Variants in ALDH5A1 observed in about 807,000 individuals in gnomAD.
The protein encoded by ALDH5A1 is aldehyde dehydrogenase 5 family member A1.
In ALDH5A1, 33 loss-of-function variants were observed where a neutral mutation model predicts 54.7. The ratio of observed to expected loss-of-function variants is 0.60; its 90% CI spans 0.46 to 0.81. The LOEUF (loss-of-function observed/expected upper bound fraction) is 0.81, where lower values mean the gene tolerates loss of function less well. Among genes scored for constraint, ALDH5A1 ranks in the 30% least tolerant of loss-of-function variants. ALDH5A1 has a pLI of 0.00. For synonymous variants in ALDH5A1, 294 were observed against 292.7 expected, an observed-to-expected ratio of 1.00 and a Z score of -0.05; for missense variants, 657 against 711.0, an observed-to-expected ratio of 0.92 and a Z score of 0.86.
At position 24,495,301 on chromosome 6, in the gene ALDH5A1, T is replaced by C; in HGVS notation, c.305T>C (p.Val102Ala). The change falls in exon 1 of 10, where the codon GTG becomes GCG. Residue 102 changes from valine to alanine, a missense_variant. Around this residue, in one of 2 missense-constraint regions of ALDH5A1, gnomAD observed 232 missense variants for 194.6 expected, o/e 1.19. Coordinates refer to ENST00000357578, the MANE Select transcript of ALDH5A1 (RefSeq NM_001080.3). ...DCGVREARAA[V>A]RAAYEAFCRW... ...GGGGTGCGAGAGGCCCGCGCCGCCG[T>C]GCGCGCTGCCTACGAGGCTTTCTGC... 10 of 1,533,136 alleles carry C rather than the reference T, an allele frequency of 6.5e-6. No individual in the cohort carries two copies. The highest frequency in any genetic ancestry group is 8.7e-6 in the Non-Finnish European group (10 of 1,146,390). 95.0% of individuals were successfully genotyped at this position (1,533,136 alleles called of 1,614,324 possible). A position where few individuals can be genotyped will look rare whatever the true frequency, so the allele number is the denominator to read the frequency against.
At chr6:24,498,336 C>G (rs1427059953) in intron 1 of ALDH5A1, among the ~76,000 whole-genome samples, 3 of 152,152 alleles carry the variant, frequency 2.0e-5, no homozygotes, top group Non-Finnish European at 2.9e-5. Context: ...TACATACTTA[C>G]AGCTATGGAA....
intron 4 of ALDH5A1, among the ~76,000 whole-genome samples, chr6:24,512,216 C>G (rs1035567364): frequency 1.3e-5 from 2 of 152,232 alleles, no homozygotes; most frequent in Non-Finnish European, 2.9e-5. Flanking sequence ...GATACCAGCA[C>G]AGTATTTGGG....
intron 4 of ALDH5A1, among the ~76,000 whole-genome samples, chr6:24,506,272 T>TTTTTTTTTTTTC (rs1395923415): frequency 8.7e-6 from 1 of 114,548 alleles, no homozygotes; most frequent in African/African-American, 4.1e-5. Flanking sequence ...TTTTTTTTTT[T>TTTTTTTTTTTTC]TGAGACAGTC....
In ALDH5A1 at chr6:24,502,754, T is replaced by C. The variant is rs367810989; in HGVS notation, c.438+148T>C. 6.9e-4 allele frequency: 493 copies of C among 713,224 alleles called. 6 individuals are homozygous for C. The South Asian group carries it at 7.3e-3, about 11-fold the overall frequency. The allele number at this position is 713,224 out of a possible 1,614,324, so 44.2% of individuals were successfully genotyped here. A position where few individuals can be genotyped will look rare whatever the true frequency, so the allele number is the denominator to read the frequency against. The stretch of plus-strand genomic sequence containing the variant: ...CTACTGATCAAATACCAAATCATTA[T>C]TGTGCCAGGGTACTTAGATTTGCTA... On this transcript the variant is annotated intron_variant, in intron 2 of 9. Transcript: ENST00000357578.
chr6:24,497,594 C>T (rs1179759529), intron 1 of ALDH5A1, among the ~76,000 whole-genome samples: 1 of 148,472 alleles, frequency 6.7e-6, no homozygotes, highest in Non-Finnish European at 1.5e-5. Flanking sequence ...AGTCCCCACT[C>T]GACCCAGGAA....
intron 7 of ALDH5A1, among the ~76,000 whole-genome samples, chr6:24,524,547 G>C (rs1374169723): frequency 6.6e-6 from 1 of 152,192 alleles, no homozygotes; most frequent in African/African-American, 2.4e-5. Context: ...CCCGTGGGCA[G>C]TCAACTCAGC....
At chr6:24,527,758 T>A (rs1050387071) in intron 7 of ALDH5A1, among the ~76,000 whole-genome samples, 1 of 152,064 alleles carries the variant, frequency 6.6e-6, no homozygotes, top group East Asian at 1.9e-4. Flanking sequence ...ATTAGACCAT[T>A]CAACAAATAG....
At chr6:24,531,182 G>A (rs544111954) in intron 8 of ALDH5A1, among the ~76,000 whole-genome samples, 1 of 152,282 alleles carries the variant, frequency 6.6e-6, no homozygotes, top group African/African-American at 2.4e-5. Flanking sequence ...TTCTTATTAT[G>A]TACTTCACTG....
At chr6:24,526,393 T>C (rs1759798082) in intron 7 of ALDH5A1, among the ~76,000 whole-genome samples, 1 of 152,116 alleles carries the variant, frequency 6.6e-6, no homozygotes, top group Non-Finnish European at 1.5e-5. Context: ...TGCAAGAGTT[T>C]TGGGAAGATA....
At chr6:24,503,181 G>C in intron 2 of ALDH5A1, 82 bp from the exon 3 acceptor site, 4 of 1,522,986 alleles carry the variant, frequency 2.6e-6, no homozygotes, top group Non-Finnish European at 3.6e-6. Context: ...TACTCTTGTT[G>C]CATCTTGAAG....
At chr6:24,503,698 T>G (rs1759256855) in intron 3 of ALDH5A1, among the ~76,000 whole-genome samples, 1 of 152,226 alleles carries the variant, frequency 6.6e-6, no homozygotes, top group Admixed American at 6.5e-5. Context: ...TCTTCTGACT[T>G]GGCATGGAGG....
intron 1 of ALDH5A1, among the ~76,000 whole-genome samples, chr6:24,496,003 G>C (rs374188369): frequency 5.0e-4 from 76 of 152,268 alleles, no homozygotes; most frequent in African/African-American, 1.7e-3. Context: ...GAAGAATAGA[G>C]TAAGAAGAAA....
intron 3 of ALDH5A1, among the ~76,000 whole-genome samples, chr6:24,504,344 G>A (rs1759288089): frequency 6.6e-6 from 1 of 152,160 alleles, no homozygotes. Flanking sequence ...TATATGTATA[G>A]GCATTTATAA....
In ALDH5A1 at chr6:24,495,356, A is replaced by G. The variant is rs1255410050; in HGVS notation, c.354+6A>G. ...GGAGGGAGGTCTCCGCCAAGGTGAGAGAGCCCGGATGCAGGGGGCCAGAGC... is the reference window on the plus strand; with the variant it reads ...GGAGGGAGGTCTCCGCCAAGGTGAGGGAGCCCGGATGCAGGGGGCCAGAGC... On this transcript the variant is annotated splice_donor_region_variant and intron_variant, in intron 1 of 9. Coordinates refer to ENST00000357578, the MANE Select transcript of ALDH5A1 (RefSeq NM_001080.3). 1.3e-6 allele frequency: 2 copies of G among 1,532,546 alleles called. No individual in the cohort carries two copies. The highest frequency in any genetic ancestry group is 4.9e-5 in the East Asian group (2 of 40,806). The allele number at this position is 1,532,546 out of a possible 1,614,324, so 94.9% of individuals were successfully genotyped here.
chr6:24,523,096 A>G (rs1424594766), intron 7 of ALDH5A1, among the ~76,000 whole-genome samples, 171 bp downstream of exon 7: 1 of 152,180 alleles, frequency 6.6e-6, no homozygotes, highest in Non-Finnish European at 1.5e-5. Flanking sequence ...CTGTAGAATG[A>G]CTGTAATTAG....
chr6:24,510,402 T>C (rs1759438404), intron 4 of ALDH5A1, among the ~76,000 whole-genome samples: 1 of 151,948 alleles, frequency 6.6e-6, no homozygotes, highest in Non-Finnish European at 1.5e-5. Context: ...CAATGGAGTA[T>C]TGAAATCCCC....
In ALDH5A1 at chr6:24,533,600, C is replaced by A; in HGVS notation, c.1496C>A (p.Ser499Tyr). 1.2e-6 allele frequency: 2 copies of A among 1,614,118 alleles called. No homozygotes were observed. Among genetic ancestry groups the A allele is most frequent in the Non-Finnish European group, 1.7e-6 (2 of 1,180,022 alleles). ...GGCGTCAACGAAGGATTAATTTCCT[C>A]TGTGGAGTGCCCTTTTGGTGGAGTG... ...MVGVNEGLIS[S>Y]VECPFGGVKQ... is the part of the protein sequence containing the mutation. Residue 499 changes from serine (S) to tyrosine (Y), a missense_variant, in exon 10 of 10, where the codon TCT becomes TAT. Ser to Tyr is a moderately radical substitution (Grantham distance 144). This residue lies in a region of ALDH5A1 where 425 missense variants were observed against 516.4 expected (regional missense o/e 0.82). Coordinates refer to ENST00000357578, the MANE Select transcript of ALDH5A1 (RefSeq NM_001080.3).
intron 4 of ALDH5A1, 57 bp from the exon 5 acceptor site, chr6:24,515,102 CTTTTTTTT>C: frequency 2.2e-6 from 2 of 927,252 alleles, no homozygotes; most frequent in Non-Finnish European, 3.0e-6. Context: ...TTTCTCTTTT[CTTTTTTTT>C]TTTTTTTTTT....
At position 24,495,008 on chromosome 6, in the gene ALDH5A1, C is replaced by T. The variant is rs764183507; in HGVS notation, c.12C>T (p.Cys4=). Residue 4 remains cysteine (C), a synonymous_variant, in exon 1 of 10, where the codon TGC becomes TGT. Coordinates refer to ENST00000357578, the MANE Select transcript of ALDH5A1 (RefSeq NM_001080.3). MAT[C]IWLRSCGARR... ...TCGTTGCCCGGGCCATGGCGACCTG[C>T]ATTTGGCTGCGGAGCTGTGGGGCCC... 4.4e-5 allele frequency: 58 copies of T among 1,325,790 alleles called. No individual in the cohort carries two copies. Among genetic ancestry groups the T allele is most frequent in the Non-Finnish European group, 2.2e-5 (23 of 1,040,888 alleles). The allele number at this position is 1,325,790 out of a possible 1,614,324, so 82.1% of individuals were successfully genotyped here.
Sources: gnomAD v4.1 joint callset for allele counts (sites outside exome capture counted in the v4.1 genomes callset) on GRCh38, gnomAD v4.1.1 for gene constraint, gnomAD v4.1.1 regional missense constraint, MANE v1.5 for transcripts, NCBI Gene and HGNC (gene_info 2026-07-23, HGNC 2026-07-21) for gene names.